The following ATP8B1 variants were observed in gnomAD, a reference collection of about 807,000 sequenced individuals.
The protein encoded by ATP8B1 is ATPase phospholipid transporting 8B1, also known as phospholipid-transporting ATPase IC.
Under a neutral mutation model 149.9 loss-of-function variants are expected in ATP8B1, and 80 were observed. That is an observed-to-expected ratio of 0.53 (90% CI 0.45 to 0.64). The LOEUF (loss-of-function observed/expected upper bound fraction) is 0.64. Among genes scored for constraint, ATP8B1 ranks in the 30% least tolerant of loss-of-function variants. The pLI, the probability that ATP8B1 is intolerant of heterozygous loss-of-function variation, is 0.00. For missense variants in ATP8B1, 1,247 were observed against 1,552.6 expected (o/e 0.80, Z 3.31); for synonymous variants, 536 against 562.8 (o/e 0.95, Z 0.67).
At chr18:57,713,151 ATCTTTC>A (rs1343178268) in intron 2 of ATP8B1, among the ~76,000 whole-genome samples, 7 of 136,176 alleles carry the variant, frequency 5.1e-5, no homozygotes, top group African/African-American at 1.4e-4. Context: ...CTTGCTCTTG[ATCTTTC>A]TCTTTCTTTC....
At chr18:57,736,270 G>T (rs1048138670) in intron 1 of ATP8B1, among the ~76,000 whole-genome samples, 2 of 152,096 alleles carry the variant, frequency 1.3e-5, no homozygotes, top group South Asian at 4.2e-4. Flanking sequence ...CTCCTATTCA[G>T]CAGGAAACAC....
At chr18:57,666,328 C>T (rs1910853146) in intron 20 of ATP8B1, among the ~76,000 whole-genome samples, 1 of 152,098 alleles carries the variant, frequency 6.6e-6, no homozygotes, top group African/African-American at 2.4e-5. Context: ...AGGCCTGCCC[C>T]ACCTAGACTA....
At chr18:57,747,254 A>G (rs888062295) in intron 1 of ATP8B1, among the ~76,000 whole-genome samples, 1 of 152,082 alleles carries the variant, frequency 6.6e-6, no homozygotes, top group Non-Finnish European at 1.5e-5. Flanking sequence ...GGAGTTCAAG[A>G]CCAGCCTGGC....
chr18:57,787,285 T>C (rs1310664214), intron 1 of ATP8B1, among the ~76,000 whole-genome samples: 1 of 152,224 alleles, frequency 6.6e-6, no homozygotes, highest in East Asian at 1.9e-4. Context: ...CACTTTATGC[T>C]TACTGATTTC....
intron 1 of ATP8B1, among the ~76,000 whole-genome samples, chr18:57,797,688 CTGCT>C (rs1193636604): frequency 6.9e-6 from 1 of 144,508 alleles, no homozygotes; most frequent in Non-Finnish European, 1.5e-5. Flanking sequence ...GACACCTGAT[CTGCT>C]TTCTTTCTTT....
intron 1 of ATP8B1, among the ~76,000 whole-genome samples, chr18:57,756,974 C>T (rs148132098): frequency 1.1e-3 from 168 of 151,172 alleles, no homozygotes; most frequent in African/African-American, 3.9e-3. Flanking sequence ...TCCTCCTAAA[C>T]GTGACACTCA....
At position 57,779,846 on chromosome 18, in the gene ATP8B1, C is replaced by T. The variant is rs115703097; in HGVS notation, c.-26+23152G>A. The stretch of plus-strand genomic sequence containing the variant: ...CTGGAAGACAGAGGTTGCAGTGAGC[C>T]GAGATTTCCCACTGCACTCCAGCCT... On this transcript the variant is annotated intron_variant, in intron 1 of 27. Coordinates refer to ENST00000648908, the MANE Select transcript of ATP8B1 (RefSeq NM_001374385.1). 4.3e-3 allele frequency among the ~76,000 whole-genome samples: 640 copies of T among 147,896 alleles called. 6 individuals carry two copies. The highest frequency in any genetic ancestry group is 0.015 in the African/African-American group (594 of 40,116).
chr18:57,668,348 A>G (rs1424468034), intron 19 of ATP8B1, 81 bp downstream of exon 19: 6 of 1,389,640 alleles, frequency 4.3e-6, no homozygotes, highest in Non-Finnish European at 5.1e-6. Flanking sequence ...GAAAAGTCTG[A>G]GGAGGTCATC....
At chr18:57,670,414 C>T (rs574477129) in intron 17 of ATP8B1, among the ~76,000 whole-genome samples, 14 of 146,578 alleles carry the variant, frequency 9.6e-5, no homozygotes, top group African/African-American at 2.8e-4. Flanking sequence ...TGCAGTGGTG[C>T]GATCTCGGTT....
intron 3 of ATP8B1, among the ~76,000 whole-genome samples, chr18:57,705,016 A>G (rs908566126): frequency 5.9e-5 from 9 of 152,180 alleles, no homozygotes; most frequent in Non-Finnish European, 1.3e-4. Context: ...CCAGGGAGGC[A>G]GAAGTTGCAG....
intron 2 of ATP8B1, among the ~76,000 whole-genome samples, chr18:57,713,578 C>A (rs1913841762): frequency 6.6e-6 from 1 of 151,618 alleles, no homozygotes; most frequent in African/African-American, 2.4e-5. Flanking sequence ...GCAACCTCCA[C>A]CTACCGGGTT....
rs1911218867 is a variant in ATP8B1 at position 57,671,529 on chromosome 18, A to G, written c.1871T>C (p.Val624Ala). ...CATTCGATGTAACCGTTCATAAATA[A>G]CAGTGTCAGCACCTTTACAGTAAAG... ...IKLYCKGADT[V>A]IYERLHRMNP... Residue 624 changes from valine to alanine, a missense_variant, in exon 17 of 28, where the codon GTT (valine) becomes GCT (alanine). Val to Ala is a moderately conservative substitution (Grantham distance 64). This residue lies in a region of ATP8B1 where 853 missense variants were observed against 1,035.7 expected (regional missense o/e 0.82). Transcript: ENST00000648908. The G allele has an allele frequency of 6.2e-7, 1 of 1,614,160 alleles. No individual in the cohort carries two copies. Among genetic ancestry groups the G allele is most frequent in the African/African-American group, 1.3e-5 (1 of 75,054 alleles).
chr18:57,736,453 G>GT lies in ATP8B1; in HGVS notation c.-25-4622dup, dbSNP rs71171079. The stretch of plus-strand genomic sequence containing the variant: ...TTTCTTCTAGTATAAAGTTTTACTA[G>GT]TTTTTTTTTTTTTTTTTTTTTTTTG... On this transcript the variant is annotated intron_variant, in intron 1 of 27. Transcript: ENST00000648908. Among the ~76,000 whole-genome samples the GT allele has an allele frequency of 2.4e-3, 171 of 70,000 alleles. 1 individual carries two copies. The highest frequency in any genetic ancestry group is 4.4e-3 in the African/African-American group (84 of 19,282). The allele number at this position is 70,000 out of a possible 152,430, so 45.9% of individuals were successfully genotyped here.
chr18:57,670,601 A>G (rs907635462), intron 17 of ATP8B1, among the ~76,000 whole-genome samples: 1 of 150,022 alleles, frequency 6.7e-6, no homozygotes, highest in African/African-American at 2.5e-5. Context: ...CTGCCACCTC[A>G]CCCTCCCAAA....
At chr18:57,773,061 G>A (rs1156516199) in intron 1 of ATP8B1, among the ~76,000 whole-genome samples, 1 of 151,962 alleles carries the variant, frequency 6.6e-6, no homozygotes, top group Non-Finnish European at 1.5e-5. Flanking sequence ...AAATTAGCTG[G>A]GTGTGGTGGT....
chr18:57,735,967 G>GCCCC (rs59140378), intron 1 of ATP8B1, among the ~76,000 whole-genome samples: 27 of 134,338 alleles, frequency 2.0e-4, no homozygotes, highest in African/African-American at 4.0e-4. Context: ...CCCATTCCTT[G>GCCCC]CCCCCCCCAC....
intron 20 of ATP8B1, 94 bp from the exon 21 acceptor site, chr18:57,662,709 A>G: frequency 7.1e-7 from 1 of 1,410,936 alleles, no homozygotes; most frequent in Non-Finnish European, 9.8e-7. Context: ...TTGTGACAAA[A>G]AAACAAAGTT....
chr18:57,771,773 T>C (rs1206445185), intron 1 of ATP8B1, among the ~76,000 whole-genome samples: 1 of 151,998 alleles, frequency 6.6e-6, no homozygotes, highest in Non-Finnish European at 1.5e-5. Context: ...TCTCCAGTAA[T>C]GTCAAAGGGC....
chr18:57,698,311 T>C (rs1912930432), intron 6 of ATP8B1, among the ~76,000 whole-genome samples: 1 of 151,942 alleles, frequency 6.6e-6, no homozygotes, highest in South Asian at 2.1e-4. Flanking sequence ...TTGCCTACTC[T>C]CTGCTGTTTA....
Sources: allele counts gnomAD v4.1 joint callset (sites outside exome capture counted in the v4.1 genomes callset), GRCh38; gene constraint gnomAD v4.1.1; regional missense constraint gnomAD v4.1.1; transcripts MANE v1.5; gene names NCBI Gene and HGNC (gene_info 2026-07-23, HGNC 2026-07-21).